The following HPSE2 variants were observed in gnomAD, a reference collection of about 807,000 sequenced individuals.
HPSE2 encodes inactive heparanase-2.
HPSE2 carries 38 observed loss-of-function variants against 60.5 expected under a neutral mutation model. The observed-to-expected ratio is 0.63, with a 90% confidence interval of 0.48 to 0.82. The LOEUF (loss-of-function observed/expected upper bound fraction) is 0.82. HPSE2 is among the 40% of genes least tolerant of loss of function. HPSE2 has a pLI of 0.00. For missense variants in HPSE2, 713 were observed against 740.4 expected, an observed-to-expected ratio of 0.96 and a Z score of 0.43; for synonymous variants, 295 against 293.2, an observed-to-expected ratio of 1.01 and a Z score of -0.06.
At chr10:99,236,717 C>T (rs1441892768), upstream of HPSE2, among the ~76,000 whole-genome samples, 1 of 152,196 alleles carries the variant, frequency 6.6e-6, no homozygotes, top group Admixed American at 6.5e-5. Flanking sequence ...CGCCCTCGCT[C>T]TGCTCTGCTC....
At chr10:98,660,075 C>T (rs1454051001) in intron 6 of HPSE2, among the ~76,000 whole-genome samples, 11 of 152,074 alleles carry the variant, frequency 7.2e-5, no homozygotes, top group Admixed American at 7.2e-4. Flanking sequence ...TCATTCTTGG[C>T]TACCAGGCTG....
At chr10:98,935,876 A>G (rs1012155609) in intron 3 of HPSE2, among the ~76,000 whole-genome samples, 5 of 144,922 alleles carry the variant, frequency 3.5e-5, no homozygotes, top group Non-Finnish European at 7.4e-5. Flanking sequence ...GAGGCAAGAA[A>G]GATCAGGTCT....
chr10:98,512,231 C>T (rs1010475426), intron 9 of HPSE2, among the ~76,000 whole-genome samples: 2 of 152,216 alleles, frequency 1.3e-5, no homozygotes, highest in East Asian at 1.9e-4. Flanking sequence ...TCCCTTGCTG[C>T]CCCTCTAGAG....
Position 98,614,960 on chromosome 10 carries a change from A to G in HPSE2, c.1264T>C (p.Ser422Pro). The change falls in exon 9 of 12, where the codon TCA becomes CCA. Residue 422 changes from serine (S) to proline (P), a missense_variant. Physicochemically the swap from Ser to Pro is moderately conservative, Grantham distance 74. Transcript: ENST00000370552. ...TGATTGTATCCATGGTCAAAAAATG[A>G]GTGCCGTATCACGACATCAATGCCC... is the stretch of plus-strand genomic sequence containing the variant. Reference protein sequence around the residue: ...NQGIDVVIRHSFFDHGYNHLV... With the variant: ...NQGIDVVIRHPFFDHGYNHLV... 1 of 1,614,156 alleles carries G rather than the reference A, an allele frequency of 6.2e-7. No individual in the cohort carries two copies. The highest frequency in any genetic ancestry group is 8.5e-7 in the Non-Finnish European group (1 of 1,179,994).
At chr10:98,797,742 G>A (rs1255621743) in intron 3 of HPSE2, among the ~76,000 whole-genome samples, 3 of 152,080 alleles carry the variant, frequency 2.0e-5, no homozygotes, top group African/African-American at 7.2e-5. Flanking sequence ...TACTCGGGAG[G>A]CTGAGGCAGA....
intron 5 of HPSE2, among the ~76,000 whole-genome samples, chr10:98,720,406 G>A (rs923338860): frequency 2.0e-5 from 3 of 152,076 alleles, no homozygotes; most frequent in South Asian, 4.1e-4. Flanking sequence ...CAGAATTCAA[G>A]TTAAAACAAC....
chr10:99,033,326 A>G (rs1005059684), intron 3 of HPSE2, among the ~76,000 whole-genome samples: 3 of 152,166 alleles, frequency 2.0e-5, no homozygotes, highest in Non-Finnish European at 2.9e-5. Context: ...AAGAAGGCAA[A>G]ATATGATTTC....
At chr10:98,585,876 C>G (rs567452122) in intron 9 of HPSE2, among the ~76,000 whole-genome samples, 1 of 148,084 alleles carries the variant, frequency 6.8e-6, no homozygotes, top group East Asian at 2.1e-4. Flanking sequence ...TGCTTGAACC[C>G]GGGAGGCAGA....
At chr10:99,166,803 C>T (rs985639516) in intron 2 of HPSE2, among the ~76,000 whole-genome samples, 2 of 150,966 alleles carry the variant, frequency 1.3e-5, no homozygotes, top group African/African-American at 4.9e-5. Flanking sequence ...GCCGAGATTG[C>T]ACTCACTGCA....
At chr10:98,507,316 G>C (rs1409573636) in intron 9 of HPSE2, among the ~76,000 whole-genome samples, 2 of 152,132 alleles carry the variant, frequency 1.3e-5, no homozygotes, top group Non-Finnish European at 2.9e-5. Context: ...TTTTGTATGT[G>C]TCAAATAATA....
chr10:99,091,504 C>A (rs1157012826), intron 3 of HPSE2, among the ~76,000 whole-genome samples: 3 of 152,064 alleles, frequency 2.0e-5, no homozygotes, highest in Non-Finnish European at 4.4e-5. Context: ...AAAAGCCCAG[C>A]CACTACTTGC....
intron 3 of HPSE2, among the ~76,000 whole-genome samples, chr10:99,021,275 C>A (rs933144827): frequency 1.3e-5 from 2 of 152,082 alleles, no homozygotes; most frequent in Non-Finnish European, 2.9e-5. Flanking sequence ...GTAAGAGATA[C>A]TATGTGAAGG....
rs35173219 is a variant in HPSE2 at position 98,932,603 on chromosome 10, CTT to C, written c.611-188549_611-188548del. Among the ~76,000 whole-genome samples the C allele has an allele frequency of 1.3e-3, 159 of 125,948 alleles. 6 individuals carry two copies. Among genetic ancestry groups the C allele is most frequent in the Middle Eastern group, 4.2e-3 (1 of 238 alleles). 82.6% of individuals were successfully genotyped at this position (125,948 alleles called of 152,430 possible). A position where few individuals can be genotyped will look rare whatever the true frequency, so the allele number is the denominator to read the frequency against. On this transcript the variant is annotated intron_variant, in intron 3 of 11. Transcript: ENST00000370552. ...AGCTGTAACTCCATCTGGAGCTGGG[CTT>C]TTTTTTTTTTTTGGCTGGTAGGCTA...
At chr10:98,975,646 G>A (rs1013568791) in intron 3 of HPSE2, among the ~76,000 whole-genome samples, 2 of 152,132 alleles carry the variant, frequency 1.3e-5, no homozygotes, top group African/African-American at 2.4e-5. Flanking sequence ...AATTTATTCA[G>A]GAAATTCTCT....
At chr10:98,929,791 A>G (rs1954591352) in intron 3 of HPSE2, among the ~76,000 whole-genome samples, 1 of 144,352 alleles carries the variant, frequency 6.9e-6, no homozygotes, top group Admixed American at 6.9e-5. Flanking sequence ...CCATGAGCTG[A>G]GAATTATTTT....
intron 3 of HPSE2, among the ~76,000 whole-genome samples, chr10:99,105,861 C>T (rs1844226082): frequency 6.6e-6 from 1 of 152,120 alleles, no homozygotes; most frequent in Non-Finnish European, 1.5e-5. Flanking sequence ...TGTCCCAGTA[C>T]TACTTGTTGA....
rs1191226144 is a variant in HPSE2 at position 99,184,786 on chromosome 10, TTATATA to T, written c.449-40393_449-40388del. 8.2e-3 allele frequency among the ~76,000 whole-genome samples: 208 copies of T among 25,240 alleles called. 7 individuals are homozygous for T. The highest frequency in any genetic ancestry group is 0.031 in the Middle Eastern group (1 of 32). The allele number at this position is 25,240 out of a possible 152,430, so 16.6% of individuals were successfully genotyped here. ...GATGTGGCAACAGAACTATCCAAAATTATATATATATATATATATATATATATATAT... is the reference window on the plus strand; with the variant it reads ...GATGTGGCAACAGAACTATCCAAAATTATATATATATATATATATATATAT... On this transcript the variant is annotated intron_variant, in intron 2 of 11. Transcript: ENST00000370552.
intron 3 of HPSE2, among the ~76,000 whole-genome samples, chr10:98,988,413 A>G (rs1237536612): frequency 1.3e-5 from 2 of 151,822 alleles, no homozygotes; most frequent in Non-Finnish European, 3.0e-5. Context: ...CCTATTTAAT[A>G]AATGGTGCTG....
chr10:98,744,333 G>A (rs1318952695), intron 3 of HPSE2, among the ~76,000 whole-genome samples: 3 of 152,006 alleles, frequency 2.0e-5, no homozygotes, highest in African/African-American at 7.3e-5. Context: ...TTCGAGACCA[G>A]CCTGACCAAC....
Sources: gnomAD v4.1 joint callset for allele counts (sites outside exome capture counted in the v4.1 genomes callset) on GRCh38, gnomAD v4.1.1 for gene constraint, MANE v1.5 for transcripts, NCBI Gene and HGNC (gene_info 2026-07-23, HGNC 2026-07-21) for gene names.